The following NCAM2 variants were observed in gnomAD, a reference collection of about 807,000 sequenced individuals.
NCAM2 encodes N-CAM-2.
NCAM2 carries 30 observed loss-of-function variants against 98.1 expected under a neutral mutation model. The observed-to-expected ratio is 0.31, with a 90% CI of 0.23 to 0.41. NCAM2 has a LOEUF of 0.41. Ranked by LOEUF, NCAM2 falls within the 10% of genes least tolerant of loss-of-function variation. The pLI is 1.00. For synonymous variants in NCAM2, 368 were observed against 342.4 expected (o/e 1.07, Z -0.83); for missense variants, 867 against 1,005.8 (o/e 0.86, Z 1.87).
chr21:21,355,613 T>G (rs2075455637), intron 8 of NCAM2, among the ~76,000 whole-genome samples: 1 of 150,394 alleles, frequency 6.6e-6, no homozygotes. Flanking sequence ...TTTATTGCTG[T>G]TATTATTATT....
chr21:21,328,236 G>C (rs1389977009), intron 6 of NCAM2, among the ~76,000 whole-genome samples: 1 of 152,062 alleles, frequency 6.6e-6, no homozygotes, highest in Non-Finnish European at 1.5e-5. Flanking sequence ...AGTTACACTA[G>C]TGTAAACAAA....
chr21:21,088,486 T>A (rs1387281244), intron 1 of NCAM2, among the ~76,000 whole-genome samples: 1 of 152,178 alleles, frequency 6.6e-6, no homozygotes, highest in Admixed American at 6.5e-5. Flanking sequence ...ATGATGCCAA[T>A]TTTGTTTCCT....
At position 21,105,524 on chromosome 21, in the gene NCAM2, G is replaced by T. The variant is rs1369411328; in HGVS notation, c.55+106906G>T. The stretch of plus-strand genomic sequence containing the variant: ...ATGGGTATCCTTCATATACATGATT[G>T]CTTGCAATCAACAAGAAAAATACAA... On this transcript the variant is annotated intron_variant, in intron 1 of 17. Coordinates refer to ENST00000400546, the MANE Select transcript of NCAM2 (RefSeq NM_004540.5). Among the ~76,000 whole-genome samples, 6 of 151,994 alleles carry T rather than the reference G, an allele frequency of 3.9e-5. No homozygotes were observed. In the East Asian group the frequency reaches 1.2e-3, roughly 29 times the overall value.
chr21:21,171,185 C>G lies in NCAM2; in HGVS notation c.56-109393C>G, dbSNP rs890703071. ...TGGGATTATTACTATTAAGCAGGTT[C>G]TAAGCTGGGGTATGACAAGGACTTG... On this transcript the variant is annotated intron_variant, in intron 1 of 17. Transcript: ENST00000400546. Among the ~76,000 whole-genome samples the G allele has an allele frequency of 1.4e-4, 22 of 152,072 alleles. 1 individual carries two copies. Among genetic ancestry groups the G allele is most frequent in the Admixed American group, 7.2e-4 (11 of 15,268 alleles).
At chr21:21,467,533 T>A (rs965026419) in intron 13 of NCAM2, among the ~76,000 whole-genome samples, 1 of 151,396 alleles carries the variant, frequency 6.6e-6, no homozygotes, top group Admixed American at 6.6e-5. Context: ...GTTTCTTTTC[T>A]CCATTCCCAA....
rs747503049 is a variant in NCAM2 at position 21,335,678 on chromosome 21, G to A, written c.898+13G>A. 1.9e-6 allele frequency: 3 copies of A among 1,583,262 alleles called. No individual in the cohort carries two copies. Among genetic ancestry groups the A allele is most frequent in the Non-Finnish European group, 2.6e-6 (3 of 1,167,122 alleles). On this transcript the variant is annotated intron_variant, in intron 7 of 17. Coordinates refer to ENST00000400546, the MANE Select transcript of NCAM2 (RefSeq NM_004540.5). The stretch of plus-strand genomic sequence containing the variant: ...CTCCAAGTCTTTGGTAAGTATTATA[G>A]CATAGTGGCTAAAACTGTTATGTCT...
At chr21:21,391,605 A>G (rs2076381803) in intron 9 of NCAM2, among the ~76,000 whole-genome samples, 1 of 152,210 alleles carries the variant, frequency 6.6e-6, no homozygotes, top group African/African-American at 2.4e-5. Flanking sequence ...TTATTCACAT[A>G]GATCCCTTCA....
intron 5 of NCAM2, among the ~76,000 whole-genome samples, chr21:21,293,771 A>G (rs762094277): frequency 2.0e-5 from 3 of 151,766 alleles, no homozygotes; most frequent in Non-Finnish European, 4.4e-5. Context: ...TGAATTGTCT[A>G]CCATACTTTG....
At chr21:21,312,328 A>G (rs1461190742) in intron 5 of NCAM2, among the ~76,000 whole-genome samples, 2 of 151,354 alleles carry the variant, frequency 1.3e-5, no homozygotes, top group Non-Finnish European at 2.9e-5. Flanking sequence ...TGCTTAATAT[A>G]GTTAATATAA....
chr21:21,477,859 T>C (rs763123327), intron 15 of NCAM2, among the ~76,000 whole-genome samples: 28 of 152,256 alleles, frequency 1.8e-4, no homozygotes, highest in South Asian at 4.1e-4. Context: ...CCGAAGGTAA[T>C]GATGAGCCAA....
At chr21:21,239,399 AT>A (rs1483679837) in intron 1 of NCAM2, 1 of 152,176 alleles carries the variant, frequency 6.6e-6, no homozygotes, top group Non-Finnish European at 1.5e-5. Flanking sequence ...GATGCCCATC[AT>A]CTATATATAG....
intron 8 of NCAM2, among the ~76,000 whole-genome samples, chr21:21,368,841 T>C (rs2075847313): frequency 6.6e-6 from 1 of 151,780 alleles, no homozygotes; most frequent in South Asian, 2.1e-4. Context: ...TTTCCTGCAG[T>C]GTGAGTGATC....
chr21:21,019,875 T>C (rs944367142), intron 1 of NCAM2, among the ~76,000 whole-genome samples: 2 of 152,154 alleles, frequency 1.3e-5, no homozygotes, highest in Admixed American at 1.3e-4. Context: ...CTAGATCCTT[T>C]CTGCTTCTCT....
chr21:21,437,096 A>G (rs954107705), intron 12 of NCAM2, among the ~76,000 whole-genome samples: 1 of 152,024 alleles, frequency 6.6e-6, no homozygotes, highest in Non-Finnish European at 1.5e-5. Context: ...TTAAATGGAA[A>G]CTAAGGTTCA....
rs114252714 is a variant in NCAM2 at position 21,068,763 on chromosome 21, C to T, written c.55+70145C>T. Among the ~76,000 whole-genome samples the T allele has an allele frequency of 1.9e-4, 29 of 152,240 alleles. 1 individual carries two copies. In the South Asian group the frequency reaches 2.5e-3, roughly 13 times the overall value. On this transcript the variant is annotated intron_variant, in intron 1 of 17. Transcript: ENST00000400546. ...AATGACCAATGACTTATCGTTATTA[C>T]GCTCCTCTTTTGTATTATTATCTGC...
At chr21:21,467,856 C>T (rs1424684790) in intron 13 of NCAM2, among the ~76,000 whole-genome samples, 2 of 151,226 alleles carry the variant, frequency 1.3e-5, no homozygotes, top group Non-Finnish European at 2.9e-5. Flanking sequence ...TGAAACCCTG[C>T]CTCAAAAAAA....
chr21:21,479,565 C>T (rs1434461849), intron 15 of NCAM2, among the ~76,000 whole-genome samples: 2 of 71,404 alleles, frequency 2.8e-5, no homozygotes, highest in African/African-American at 4.7e-5. Context: ...GCCTGGGAGA[C>T]AGAGCGAGAC....
intron 1 of NCAM2, among the ~76,000 whole-genome samples, chr21:21,018,374 G>C (rs2064361080): frequency 6.6e-6 from 1 of 152,190 alleles, no homozygotes; most frequent in Admixed American, 6.5e-5. Flanking sequence ...GCGCAGACTT[G>C]AATTCTTCAT....
chr21:21,535,189 T>C (rs760769115), intron 17 of NCAM2, among the ~76,000 whole-genome samples: 26 of 152,040 alleles, frequency 1.7e-4, no homozygotes, highest in Non-Finnish European at 3.5e-4. Context: ...TTTGCATCTC[T>C]AATAGCTCTG....
Sources: gnomAD v4.1 joint callset for allele counts (sites outside exome capture counted in the v4.1 genomes callset) on GRCh38, gnomAD v4.1.1 for gene constraint, MANE v1.5 for transcripts, NCBI Gene and HGNC (gene_info 2026-07-23, HGNC 2026-07-21) for gene names.